TCTN1: variants seen among roughly 807,000 people sequenced by gnomAD.
TCTN1 encodes the protein tectonic family member 1.
A neutral mutation model predicts 65.8 loss-of-function variants in TCTN1; 58 were observed. That is an observed-to-expected ratio of 0.88 (90% confidence interval 0.71 to 1.10). The LOEUF (loss-of-function observed/expected upper bound fraction) is 1.10, where lower values mean the gene tolerates loss of function less well. Among genes scored for constraint, TCTN1 ranks in the 50% least tolerant of loss-of-function variants. The pLI is 0.00. For synonymous variants in TCTN1, 273 were observed against 289.1 expected, an observed-to-expected ratio of 0.94 and a Z score of 0.57; for missense variants, 645 against 719.4, an observed-to-expected ratio of 0.90 and a Z score of 1.18.
intron 12 of TCTN1, chr12:110,646,721 A>G (rs1346450493): frequency 4.6e-6 from 1 of 217,956 alleles, no homozygotes; most frequent in African/African-American, 2.4e-5. Flanking sequence ...TTAATTGCCA[A>G]TTGATGAAAT....
intron 1 of TCTN1, 52 bp downstream of exon 1, chr12:110,614,454 G>C: frequency 6.4e-7 from 1 of 1,558,672 alleles, no homozygotes; most frequent in South Asian, 1.2e-5. Flanking sequence ...ACCTCAAGGG[G>C]ACAGCCCCGG....
chr12:110,631,225 A>G (rs2066213238), intron 4 of TCTN1, among the ~76,000 whole-genome samples: 1 of 151,714 alleles, frequency 6.6e-6, no homozygotes, highest in Non-Finnish European at 1.5e-5. Flanking sequence ...GGGTTTCACC[A>G]TGTTGGCCAG....
At position 110,640,644 on chromosome 12, in the gene TCTN1, C is replaced by A; in HGVS notation, c.978+127C>A. ...CATGGTGTGGCTTTTCTTGGCTCAG[C>A]TGCCTGCTTGTCTTTCTGCTGTCTC... On this transcript the variant is annotated intron_variant, in intron 8 of 14. Coordinates refer to ENST00000397659, the MANE Select transcript of TCTN1 (RefSeq NM_001082538.3). The surrounding 1 kb of genome is among the most constrained non-coding windows in gnomAD (Gnocchi z 4.9). The A allele has an allele frequency of 7.4e-7, 1 of 1,347,036 alleles. No individual in the cohort carries two copies. The highest frequency in any genetic ancestry group is 1.1e-6 in the Non-Finnish European group (1 of 947,724). 83.4% of individuals were successfully genotyped at this position (1,347,036 alleles called of 1,614,324 possible).
intron 7 of TCTN1, among the ~76,000 whole-genome samples, chr12:110,637,888 T>C (rs1012790915): frequency 6.6e-6 from 1 of 152,058 alleles, no homozygotes; most frequent in Non-Finnish European, 1.5e-5. Context: ...AGTTACGCAT[T>C]TAGTGATGAA....
intron 1 of TCTN1, among the ~76,000 whole-genome samples, chr12:110,614,873 G>A (rs2064927662): frequency 6.6e-6 from 1 of 152,172 alleles, no homozygotes; most frequent in Non-Finnish European, 1.5e-5. Flanking sequence ...TTGAATTGGA[G>A]GTGGAAAGCT....
rs537655183 is a variant in TCTN1, at chr12:110,644,838, C to T, written c.1332-129C>T. 1.1e-4 allele frequency: 132 copies of T among 1,237,130 alleles called. No individual in the cohort carries two copies. The highest frequency in any genetic ancestry group is 2.3e-5 in the Non-Finnish European group (20 of 855,744). 76.6% of individuals were successfully genotyped at this position (1,237,130 alleles called of 1,614,324 possible). A position where few individuals can be genotyped will look rare whatever the true frequency, so the allele number is the denominator to read the frequency against. The stretch of plus-strand genomic sequence containing the variant: ...CTATGATGGTGCCACTGCACTCCAG[C>T]TTGGGCATCAGAGTGAGACCTTATC... On this transcript the variant is annotated intron_variant, in intron 11 of 14. Transcript: ENST00000397659. This position sits in a 1 kb window ranked among gnomAD's most constrained non-coding sequence, Gnocchi z 4.6.
intron 2 of TCTN1, among the ~76,000 whole-genome samples, chr12:110,620,307 C>T (rs1383366701): frequency 6.6e-6 from 1 of 151,834 alleles, no homozygotes; most frequent in African/African-American, 2.4e-5. Context: ...ACTCGGGAGG[C>T]TGAGGCAGGA....
intron 2 of TCTN1, among the ~76,000 whole-genome samples, chr12:110,620,781 G>C (rs1251467757): frequency 4.0e-5 from 6 of 150,180 alleles, no homozygotes; most frequent in Non-Finnish European, 8.9e-5. Context: ...TGTTCTGAAT[G>C]ATCTCTTATA....
chr12:110,614,353 C>A lies in TCTN1; in HGVS notation c.171C>A (p.Pro57=). ...CGTCGACCAGGCCCCCCGGGACTCC[C>A]AGGGCTCCAGGGCCCTCCTCCGGCC... ...TFPSTRPPGT[P]RAPGPSSGPR... Residue 57 remains proline (P), a synonymous_variant, in exon 1 of 15, where the codon CCC becomes CCA. Transcript: ENST00000397659. 1 of 1,606,684 alleles carries A rather than the reference C, an allele frequency of 6.2e-7. No individual in the cohort carries two copies.
Position 110,648,621 on chromosome 12 carries a change from C to T in TCTN1, c.*2-422C>T, listed in dbSNP as rs144180674. On this transcript the variant is annotated intron_variant, in intron 14 of 14. Transcript: ENST00000397659. ...ATTAGATAAAATCATGCGAGAAGAGCACACAGCCCTTACAAGGGGATCTTC... is the reference window on the plus strand; with the variant it reads ...ATTAGATAAAATCATGCGAGAAGAGTACACAGCCCTTACAAGGGGATCTTC... The T allele has an allele frequency of 7.5e-3, 1,267 of 169,760 alleles. 2 individuals carry two copies. The highest frequency in any genetic ancestry group is 9.6e-3 in the Non-Finnish European group (779 of 80,736). The allele number at this position is 169,760 out of a possible 1,614,324, so 10.5% of individuals were successfully genotyped here. A position where few individuals can be genotyped will look rare whatever the true frequency, so the allele number is the denominator to read the frequency against.
intron 11 of TCTN1, chr12:110,643,583 TTCCCCTTCA>T (rs2067104505): frequency 6.6e-6 from 1 of 152,216 alleles, no homozygotes; most frequent in Non-Finnish European, 1.5e-5. Context: ...GTTTGGCTCT[TTCCCCTTCA>T]TCCCCTACCT....
At chr12:110,619,701 T>G in intron 1 of TCTN1, 135 bp from the exon 2 acceptor site, 1 of 1,396,678 alleles carries the variant, frequency 7.2e-7, no homozygotes. Context: ...ACTTCACAAA[T>G]TTCCCCCAAA....
intron 4 of TCTN1, chr12:110,629,250 T>G (rs1156934222): frequency 2.3e-6 from 1 of 431,802 alleles, no homozygotes; most frequent in African/African-American, 2.0e-5. Context: ...ACAAATGGGA[T>G]CTAATTAAAC....
intron 2 of TCTN1, 97 bp downstream of exon 2, chr12:110,620,053 C>T (rs1427425863): frequency 1.9e-6 from 3 of 1,560,166 alleles, no homozygotes; most frequent in Non-Finnish European, 2.6e-6. Context: ...AAAACCCAAA[C>T]CTGATTTCCA....
intron 7 of TCTN1, among the ~76,000 whole-genome samples, chr12:110,637,666 CT>C (rs906960733): frequency 6.6e-6 from 1 of 152,180 alleles, no homozygotes; most frequent in Non-Finnish European, 1.5e-5. Context: ...TCTCTCTCCT[CT>C]TTGGTCCCAG....
intron 3 of TCTN1, chr12:110,628,276 C>A: frequency 6.6e-7 from 1 of 1,517,016 alleles, no homozygotes; most frequent in South Asian, 1.2e-5. Context: ...CAGGCTGAGT[C>A]TGGAGGTCCT....
intron 2 of TCTN1, 40 bp downstream of exon 2, chr12:110,619,996 G>T (rs989036571): frequency 1.2e-6 from 2 of 1,613,862 alleles, no homozygotes; most frequent in African/African-American, 1.3e-5. Context: ...GAAAAAATTT[G>T]ACCAGGATAA....
At chr12:110,619,638 T>C (rs1221131705) in intron 1 of TCTN1, among the ~76,000 whole-genome samples, 198 bp from the exon 2 acceptor site, 1 of 152,208 alleles carries the variant, frequency 6.6e-6, no homozygotes, top group East Asian at 1.9e-4. Context: ...GTCAGATCAT[T>C]AGCCACTTTG....
At chr12:110,630,077 G>T (rs953955074) in intron 4 of TCTN1, 1 of 152,158 alleles carries the variant, frequency 6.6e-6, no homozygotes, top group African/African-American at 2.4e-5. Flanking sequence ...CTGTCAGAGG[G>T]TGGTGGGCTA....
Sources: allele counts gnomAD v4.1 joint callset (sites outside exome capture counted in the v4.1 genomes callset), GRCh38; gene constraint gnomAD v4.1.1; non-coding constraint Gnocchi (gnomAD v3.1); transcripts MANE v1.5; gene names NCBI Gene and HGNC (gene_info 2026-07-23, HGNC 2026-07-21).